ANKFN1: variants seen among roughly 807,000 people sequenced by gnomAD.
The protein encoded by ANKFN1 is ankyrin repeat and fibronectin type III domain containing 1.
In ANKFN1, 74 loss-of-function variants were observed where a neutral mutation model predicts 108.7. The ratio of observed to expected loss-of-function variants is 0.68; its 90% CI spans 0.56 to 0.83. ANKFN1 has a LOEUF of 0.83. Ranked by LOEUF, ANKFN1 falls within the 40% of genes least tolerant of loss-of-function variation. The pLI, the probability that ANKFN1 is intolerant of heterozygous loss-of-function variation, is 0.00. For synonymous variants in ANKFN1, 547 were observed against 516.2 expected (o/e 1.06, Z -0.81); for missense variants, 1,505 against 1,382.3 (o/e 1.09, Z -1.41).
At chr17:56,104,917 C>T (rs956684017) in intron 4 of ANKFN1, among the ~76,000 whole-genome samples, 1 of 152,156 alleles carries the variant, frequency 6.6e-6, no homozygotes, top group African/African-American at 2.4e-5. Context: ...GCAAAGCCTC[C>T]TTCAGCCAGG....
chr17:56,076,594 CT>C (rs1159241401), intron 4 of ANKFN1, among the ~76,000 whole-genome samples: 1 of 152,308 alleles, frequency 6.6e-6, no homozygotes, highest in East Asian at 1.9e-4. Flanking sequence ...GACTCTGCCG[CT>C]TACTGTGTGC....
intron 4 of ANKFN1, among the ~76,000 whole-genome samples, chr17:56,068,339 G>A (rs1331571936): frequency 1.3e-5 from 2 of 152,166 alleles, no homozygotes; most frequent in African/African-American, 4.8e-5. Context: ...ATGAGAAGGT[G>A]AAGCAGCCTA....
At chr17:56,372,598 G>A in intron 6 of ANKFN1, 48 bp from the exon 7 acceptor site, 2 of 1,507,674 alleles carry the variant, frequency 1.3e-6, no homozygotes, top group East Asian at 2.3e-5. Flanking sequence ...CAATGAAGCA[G>A]CATTTCCCCA....
chr17:56,323,339 A>G (rs967898608), intron 3 of ANKFN1: 8 of 152,594 alleles, frequency 5.2e-5, no homozygotes, highest in African/African-American at 1.9e-4. Flanking sequence ...TCTCAGAACC[A>G]GAGAAATCTT....
chr17:56,498,857 T>C (rs1215246775), intron 19 of ANKFN1, 25 bp from the exon 20 acceptor site: 2 of 1,516,700 alleles, frequency 1.3e-6, no homozygotes, highest in South Asian at 2.4e-5. Flanking sequence ...GATAACTTAG[T>C]GTCTTTTACC....
rs559012828 is a variant in ANKFN1 at position 56,153,535 on chromosome 17, G to A, written c.-71+5G>A. On this transcript the variant is annotated splice_donor_5th_base_variant and intron_variant, in intron 1 of 20. Coordinates refer to ENST00000682825, the MANE Select transcript of ANKFN1 (RefSeq NM_001370326.1). The stretch of plus-strand genomic sequence containing the variant: ...ATGGAGGCGTCTCTAACCAGGGTAG[G>A]AAAACAATAGTTCTAAATATCGGTA... 11 of 1,613,950 alleles carry A rather than the reference G, an allele frequency of 6.8e-6. No homozygotes were observed. In the South Asian group the frequency reaches 1.2e-4, roughly 18 times the overall value.
At position 56,227,954 on chromosome 17, in the gene ANKFN1, A is replaced by G. The variant is rs1300904645; in HGVS notation, c.50A>G (p.Lys17Arg). The G allele has an allele frequency of 1.0e-5, 16 of 1,606,174 alleles. No individual in the cohort carries two copies. The highest frequency in any genetic ancestry group is 1.3e-5 in the Non-Finnish European group (15 of 1,177,534). Residue 17 changes from lysine to arginine, a missense_variant, in exon 3 of 21, where the codon AAA becomes AGA. Physicochemically the swap from Lys to Arg is conservative, Grantham distance 26 (BLOSUM62 2). Coordinates refer to ENST00000682825, the MANE Select transcript of ANKFN1 (RefSeq NM_001370326.1). ...LFKDRHFTCS[K>R]IIGRRFACFA... ...AAAGACAGGCATTTTACTTGCAGCA[A>G]AATGTAAGTACATTTCCTCCTTGAA...
intron 10 of ANKFN1, among the ~76,000 whole-genome samples, chr17:56,443,993 T>C (rs2049199310): frequency 6.6e-6 from 1 of 152,202 alleles, no homozygotes; most frequent in African/African-American, 2.4e-5. Context: ...TTCTTTTTAC[T>C]CCATAATTCT....
At chr17:56,290,368 T>C (rs2044328117) in intron 3 of ANKFN1, among the ~76,000 whole-genome samples, 1 of 152,166 alleles carries the variant, frequency 6.6e-6, no homozygotes, top group Non-Finnish European at 1.5e-5. Flanking sequence ...AGCTATGAAA[T>C]AAGAATATCA....
chr17:56,365,777 A>G (rs528574541), intron 6 of ANKFN1, among the ~76,000 whole-genome samples: 2 of 152,328 alleles, frequency 1.3e-5, no homozygotes, highest in East Asian at 1.9e-4. Flanking sequence ...GCTGGTTTAA[A>G]CAAACCTACT....
intron 4 of ANKFN1, among the ~76,000 whole-genome samples, chr17:56,136,580 G>T (rs1907612914): frequency 6.6e-6 from 1 of 152,164 alleles, no homozygotes; most frequent in African/African-American, 2.4e-5. Context: ...TTGCAAAACA[G>T]AATTATATGA....
chr17:56,075,452 G>C (rs919151626), intron 4 of ANKFN1, among the ~76,000 whole-genome samples: 1 of 152,014 alleles, frequency 6.6e-6, no homozygotes, highest in Non-Finnish European at 1.5e-5. Flanking sequence ...CCTCAAGTTT[G>C]GCTCTTTTTC....
At chr17:56,454,211 G>T (rs561517035) in intron 11 of ANKFN1, among the ~76,000 whole-genome samples, 1 of 151,580 alleles carries the variant, frequency 6.6e-6, no homozygotes, top group South Asian at 2.1e-4. Context: ...TTACTTTCTT[G>T]GAGATTTCAT....
intron 4 of ANKFN1, among the ~76,000 whole-genome samples, chr17:56,062,670 A>G (rs936625437): frequency 7.3e-5 from 11 of 151,624 alleles, no homozygotes; most frequent in Admixed American, 4.6e-4. Context: ...CAGTGCACCA[A>G]TGGGTCTTGA....
At chr17:56,191,854 T>A (rs1460232040) in intron 1 of ANKFN1, among the ~76,000 whole-genome samples, 3 of 150,102 alleles carry the variant, frequency 2.0e-5, no homozygotes, top group African/African-American at 7.4e-5. Flanking sequence ...GGTACACCAA[T>A]CAGACGTAGA....
At chr17:56,250,166 T>C (rs2043203153) in intron 3 of ANKFN1, among the ~76,000 whole-genome samples, 1 of 152,190 alleles carries the variant, frequency 6.6e-6, no homozygotes, top group African/African-American at 2.4e-5. Flanking sequence ...CTTTGGAAAC[T>C]TGGAGTCCAA....
rs534141033 is a variant in ANKFN1 at position 56,289,941 on chromosome 17, G to T, written c.54-36280G>T. ...GTCTGGCAAGCCCTGTGAAAAAAAA[G>T]CAAGGCAGATATAGTTAGTCCCATT... On this transcript the variant is annotated intron_variant, in intron 3 of 20. Coordinates refer to ENST00000682825, the MANE Select transcript of ANKFN1 (RefSeq NM_001370326.1). Among the ~76,000 whole-genome samples, 115 of 152,220 alleles carry T rather than the reference G, an allele frequency of 7.6e-4. 3 individuals carry two copies. In the South Asian group the frequency reaches 0.023, roughly 30 times the overall value.
intron 3 of ANKFN1, chr17:56,258,312 A>C (rs1263055906): frequency 6.6e-6 from 1 of 152,218 alleles, no homozygotes; most frequent in Non-Finnish European, 1.5e-5. Flanking sequence ...TTGTATTTTA[A>C]AGACAGCACT....
intron 18 of ANKFN1, among the ~76,000 whole-genome samples, chr17:56,483,573 G>T (rs533087236): frequency 4.4e-4 from 67 of 152,324 alleles, no homozygotes; most frequent in African/African-American, 1.6e-3. Flanking sequence ...AGAGGAGGGA[G>T]TGTTCTTACA....
Sources: gnomAD v4.1 joint callset for allele counts (sites outside exome capture counted in the v4.1 genomes callset) on GRCh38, gnomAD v4.1.1 for gene constraint, MANE v1.5 for transcripts, NCBI Gene and HGNC (gene_info 2026-07-23, HGNC 2026-07-21) for gene names.